The following SHANK2 variants were observed in gnomAD, a reference collection of about 807,000 sequenced individuals.
The protein encoded by SHANK2 is SH3 and multiple ankyrin repeat domains 2.
A neutral mutation model predicts 133.7 loss-of-function variants in SHANK2; 43 were observed. The observed-to-expected ratio is 0.32, with a 90% confidence interval of 0.25 to 0.41. The LOEUF (loss-of-function observed/expected upper bound fraction) is 0.41. SHANK2 is among the 10% of genes least tolerant of loss of function. The probability of loss-of-function intolerance (pLI) is 1.00; values close to 1 mark genes in which losing one functional copy is unlikely to be tolerated. For synonymous variants in SHANK2, 1,017 were observed against 952.8 expected (o/e 1.07, Z -1.24); for missense variants, 1,994 against 2,235.8 (o/e 0.89, Z 2.18).
chr11:71,085,605 A>ATTTTATAT (rs1305969111), intron 8 of SHANK2, among the ~76,000 whole-genome samples: 1 of 73,880 alleles, frequency 1.4e-5, no homozygotes, highest in African/African-American at 5.5e-5. Context: ...TATATATATT[A>ATTTTATAT]AATATATATT....
At chr11:71,215,225 C>T (rs1954381337) in intron 2 of SHANK2, among the ~76,000 whole-genome samples, 1 of 152,184 alleles carries the variant, frequency 6.6e-6, no homozygotes, top group African/African-American at 2.4e-5. Context: ...CGCAGCAGGG[C>T]CCACGCTCTC....
At position 71,188,511 on chromosome 11, in the gene SHANK2, C is replaced by T. The variant is rs187270682; in HGVS notation, c.-13+36186G>A. Among the ~76,000 whole-genome samples the T allele has an allele frequency of 7.2e-5, 11 of 152,186 alleles. No individual in the cohort carries two copies. The highest frequency in any genetic ancestry group is 2.4e-4 in the African/African-American group (10 of 41,528). Reference sequence around the variant, plus strand: ...AAACACTGCAAATATTTACAGTGGACGTACGAAAAGGCACAGGAATACTGA... The same window carrying T: ...AAACACTGCAAATATTTACAGTGGATGTACGAAAAGGCACAGGAATACTGA... On this transcript the variant is annotated intron_variant, in intron 2 of 25. Transcript: ENST00000601538. This position sits in a 1 kb window ranked among gnomAD's most constrained non-coding sequence, Gnocchi z 4.6.
chr11:70,833,254 C>T (rs1306967968), intron 11 of SHANK2, among the ~76,000 whole-genome samples: 2 of 152,274 alleles, frequency 1.3e-5, no homozygotes, highest in East Asian at 3.8e-4. Context: ...TGCAGCCCAC[C>T]TGTGGCTAGA....
chr11:71,103,448 C>G (rs1409432396), intron 6 of SHANK2, among the ~76,000 whole-genome samples: 1 of 152,248 alleles, frequency 6.6e-6, no homozygotes, highest in Non-Finnish European at 1.5e-5. Context: ...ACCGGATACA[C>G]TGGTCACCCT....
At chr11:71,119,210 A>G (rs879988602) in intron 3 of SHANK2, among the ~76,000 whole-genome samples, 178 bp from the exon 4 acceptor site, 2 of 152,180 alleles carry the variant, frequency 1.3e-5, no homozygotes, top group Non-Finnish European at 2.9e-5. Context: ...TGGGACACAG[A>G]CATTCGGTAA....
In SHANK2 at chr11:71,147,288, G is replaced by C. The variant is rs1303719040; in HGVS notation, c.39C>G (p.Ala13=). 2.6e-6 allele frequency: 4 copies of C among 1,550,944 alleles called. No homozygotes were observed. The highest frequency in any genetic ancestry group is 1.7e-4 in the Middle Eastern group (1 of 6,008). ...RSPTSSEDEM[A]QSFSDYSVGS... ...CCACGGAGTAGTCGGAGAAGCTCTG[G>C]GCCATCTCGTCCTCGCTGGATGTTG... Residue 13 remains alanine (A), a synonymous_variant, in exon 3 of 26, where the codon GCC becomes GCG. Coordinates refer to ENST00000601538, the MANE Select transcript of SHANK2 (RefSeq NM_012309.5).
intron 3 of SHANK2, among the ~76,000 whole-genome samples, chr11:71,145,754 T>A (rs1555106577): frequency 6.6e-6 from 1 of 152,136 alleles, no homozygotes; most frequent in Non-Finnish European, 1.5e-5. Flanking sequence ...TTCCCCGATC[T>A]CCAGCACTTG....
chr11:71,110,793 C>T (rs1270331517), intron 5 of SHANK2, among the ~76,000 whole-genome samples: 1 of 152,218 alleles, frequency 6.6e-6, no homozygotes, highest in Non-Finnish European at 1.5e-5. Context: ...AATCCCCTCA[C>T]CGTTCGCCAT....
At chr11:71,098,141 GTGCA>G (rs1294316724) in intron 6 of SHANK2, among the ~76,000 whole-genome samples, 9 of 150,746 alleles carry the variant, frequency 6.0e-5, no homozygotes, top group African/African-American at 2.2e-4. Flanking sequence ...ACATGCCTGT[GTGCA>G]TGCATGCCTG....
intron 14 of SHANK2, among the ~76,000 whole-genome samples, chr11:70,745,695 C>A (rs1555035872): frequency 6.6e-6 from 1 of 152,214 alleles, no homozygotes; most frequent in African/African-American, 2.4e-5. Context: ...TGGCCCCCAC[C>A]TGGCCCAGGG....
chr11:70,810,041 G>A (rs541383945), intron 12 of SHANK2, among the ~76,000 whole-genome samples: 1 of 152,312 alleles, frequency 6.6e-6, no homozygotes, highest in East Asian at 1.9e-4. Flanking sequence ...GAATTCCAAA[G>A]GACCACTGTT....
intron 14 of SHANK2, among the ~76,000 whole-genome samples, chr11:70,735,617 T>G (rs986093158): frequency 6.6e-6 from 1 of 151,580 alleles, no homozygotes; most frequent in Non-Finnish European, 1.5e-5. Flanking sequence ...GGCAGAAGAA[T>G]TGCTTGAACC....
intron 11 of SHANK2, among the ~76,000 whole-genome samples, chr11:70,888,547 G>T (rs1555074014): frequency 2.0e-5 from 3 of 152,196 alleles, no homozygotes; most frequent in African/African-American, 7.2e-5. Flanking sequence ...GAGCGCGGTG[G>T]TTCACACCTG....
At chr11:70,836,491 C>T (rs549670311) in intron 11 of SHANK2, among the ~76,000 whole-genome samples, 9 of 152,318 alleles carry the variant, frequency 5.9e-5, no homozygotes, top group Middle Eastern at 3.4e-3. Context: ...TGGGTGGCCC[C>T]GGGTGCCACC....
At chr11:70,955,165 T>C (rs969416550) in intron 10 of SHANK2, among the ~76,000 whole-genome samples, 19 of 152,372 alleles carry the variant, frequency 1.2e-4, no homozygotes, top group Middle Eastern at 3.4e-3. Flanking sequence ...TGCCTTTTTT[T>C]CCTGATTTTC....
intron 12 of SHANK2, among the ~76,000 whole-genome samples, chr11:70,810,536 T>C (rs901334101): frequency 6.6e-5 from 10 of 152,220 alleles, no homozygotes; most frequent in African/African-American, 1.4e-4. Flanking sequence ...CTTCCCTTAA[T>C]GCACCTGCCC....
intron 13 of SHANK2, among the ~76,000 whole-genome samples, chr11:70,803,019 C>T (rs1327418576): frequency 2.6e-5 from 4 of 152,036 alleles, no homozygotes; most frequent in African/African-American, 7.2e-5. Flanking sequence ...AGAGAGGGAG[C>T]GTGGCAGGTG....
At chr11:70,567,715 G>A (rs1282588983) in intron 17 of SHANK2, among the ~76,000 whole-genome samples, 2 of 152,022 alleles carry the variant, frequency 1.3e-5, no homozygotes, top group Non-Finnish European at 2.9e-5. Context: ...AGAAGGCAGC[G>A]CCTACAAGCC....
chr11:70,714,799 T>C (rs1484017856), intron 14 of SHANK2, among the ~76,000 whole-genome samples: 1 of 152,092 alleles, frequency 6.6e-6, no homozygotes, highest in Non-Finnish European at 1.5e-5. Flanking sequence ...AGATTGGTTT[T>C]ACCTGTAGCA....
Sources: gnomAD v4.1 joint callset for allele counts (sites outside exome capture counted in the v4.1 genomes callset) on GRCh38, gnomAD v4.1.1 for gene constraint, Gnocchi (gnomAD v3.1) non-coding constraint, MANE v1.5 for transcripts, NCBI Gene and HGNC (gene_info 2026-07-23, HGNC 2026-07-21) for gene names.